The following WDR47 variants were observed in gnomAD, a reference collection of about 807,000 sequenced individuals.
WDR47 encodes WD repeat domain 47, also known as WD repeat-containing protein 47.
A neutral mutation model predicts 97.2 loss-of-function variants in WDR47; 32 were observed. That is an observed-to-expected ratio of 0.33 (90% confidence interval 0.25 to 0.44). The LOEUF (loss-of-function observed/expected upper bound fraction) is 0.44, where lower values mean the gene tolerates loss of function less well. WDR47 is among the 20% of genes least tolerant of loss of function. WDR47 has a pLI of 1.00. For synonymous variants in WDR47, 375 were observed against 373.5 expected (o/e 1.00, Z -0.05); for missense variants, 782 against 1,102.3 (o/e 0.71, Z 4.11).
intron 2 of WDR47, among the ~76,000 whole-genome samples, chr1:109,021,518 CCTCT>C (rs1661837753): frequency 8.5e-6 from 1 of 117,172 alleles, no homozygotes; most frequent in Non-Finnish European, 1.8e-5. Flanking sequence ...ACAAAGCAAG[CCTCT>C]ATCTCAAAAA....
In WDR47 at chr1:109,004,816, G is replaced by A. The variant is rs1333527293; in HGVS notation, c.1131-101C>T. ...TTTATTTTATTATTATTATTTTTGA[G>A]ATGGAGTCTCTCTCTGTAGCCCCGA... On this transcript the variant is annotated intron_variant, in intron 5 of 14. Transcript: ENST00000369962. The A allele has an allele frequency of 3.7e-6, 5 of 1,342,930 alleles. No homozygotes were observed. In the Admixed American group the frequency reaches 1.5e-4, roughly 39 times the overall value. 83.2% of individuals were successfully genotyped at this position (1,342,930 alleles called of 1,614,324 possible).
At position 109,011,489 on chromosome 1, in the gene WDR47, C is replaced by A. The variant is rs1212897005; in HGVS notation, c.557G>T (p.Gly186Val). ...IPADRKLSEA[G>V]FKASNNRLFQ... The stretch of plus-strand genomic sequence containing the variant: ...TAAACGATTGTTACTAGCCTTAAAA[C>A]CAGCTTCACTTAGCTTCCTATCAGC... Residue 186 changes from glycine (G) to valine (V), a missense_variant, in exon 5 of 15, where the codon GGT becomes GTT. This residue lies in a region of WDR47 where 428 missense variants were observed against 584.3 expected (regional missense o/e 0.73). Coordinates refer to ENST00000369962, the MANE Select transcript of WDR47 (RefSeq NM_001142551.2). 6.2e-7 allele frequency: 1 copy of A among 1,614,170 alleles called. No homozygotes were observed. Among genetic ancestry groups the A allele is most frequent in the East Asian group, 2.2e-5 (1 of 44,880 alleles).
chr1:109,009,475 T>C (rs1660873501), intron 5 of WDR47, among the ~76,000 whole-genome samples: 1 of 152,224 alleles, frequency 6.6e-6, no homozygotes, highest in South Asian at 2.1e-4. Context: ...TTTTAAGTTC[T>C]AGTTGTTCAC....
intron 1 of WDR47, among the ~76,000 whole-genome samples, chr1:109,028,795 T>C (rs1455583696): frequency 6.6e-6 from 1 of 152,102 alleles, no homozygotes; most frequent in Non-Finnish European, 1.5e-5. Flanking sequence ...TAATTTTAAT[T>C]AATTTAATAT....
intron 1 of WDR47, among the ~76,000 whole-genome samples, chr1:109,025,916 C>G (rs1338320030): frequency 6.6e-6 from 1 of 152,142 alleles, no homozygotes. Flanking sequence ...TATCTCCCAA[C>G]ACACCAGCTA....
chr1:109,002,116 C>T (rs564826182), intron 7 of WDR47, 108 bp downstream of exon 7: 18 of 1,259,960 alleles, frequency 1.4e-5, no homozygotes, highest in Non-Finnish European at 1.7e-5. Context: ...ACTTCAAATG[C>T]GTAAAAAGCC....
rs763871222 is a variant in WDR47, at chr1:109,023,506, C to T, written c.7G>A (p.Ala3Thr). MTAEETVNVKEVE... is the reference protein window; with the variant it reads MTTEETVNVKEVE... ...TCTTTTACATTCACTGTTTCTTCAG[C>T]CGTCATATTGATAGCCTAAATATGA... Residue 3 changes from alanine (A) to threonine (T), a missense_variant, in exon 2 of 15, where the codon GCT (alanine) becomes ACT (threonine). Physicochemically the swap from Ala to Thr is moderately conservative, Grantham distance 58. Coordinates refer to ENST00000369962, the MANE Select transcript of WDR47 (RefSeq NM_001142551.2). 9.9e-6 allele frequency: 16 copies of T among 1,612,218 alleles called. No homozygotes were observed. The highest frequency in any genetic ancestry group is 1.1e-5 in the Non-Finnish European group (13 of 1,178,934).
rs144574691 is a variant in WDR47 at position 109,031,066 on chromosome 1, T to C, written c.-9-7545A>G. Among the ~76,000 whole-genome samples, 370 of 140,324 alleles carry C rather than the reference T, an allele frequency of 2.6e-3. 54 individuals carry two copies. The highest frequency in any genetic ancestry group is 8.6e-3 in the African/African-American group (339 of 39,240). 92.1% of individuals were successfully genotyped at this position (140,324 alleles called of 152,430 possible). A position where few individuals can be genotyped will look rare whatever the true frequency, so the allele number is the denominator to read the frequency against. On this transcript the variant is annotated intron_variant, in intron 1 of 14. Coordinates refer to ENST00000369962, the MANE Select transcript of WDR47 (RefSeq NM_001142551.2). ...TATATAGAAAATATAAAGTCCGGGATAATCAGAAGCCTGTAATTAATAAAG... is the reference window on the plus strand; with the variant it reads ...TATATAGAAAATATAAAGTCCGGGACAATCAGAAGCCTGTAATTAATAAAG...
At chr1:108,984,199 T>C (rs999462980) in intron 10 of WDR47, among the ~76,000 whole-genome samples, 3 of 152,166 alleles carry the variant, frequency 2.0e-5, no homozygotes, top group African/African-American at 7.2e-5. Context: ...CTAAATGCCA[T>C]GCTCCTCAAG....
chr1:109,005,883 A>C (rs1472049354), intron 5 of WDR47, among the ~76,000 whole-genome samples: 2 of 152,166 alleles, frequency 1.3e-5, no homozygotes, highest in African/African-American at 4.8e-5. Flanking sequence ...AATAAAAATA[A>C]AAATAAATAA....
At chr1:109,025,416 G>A (rs1165317955) in intron 1 of WDR47, among the ~76,000 whole-genome samples, 4 of 133,888 alleles carry the variant, frequency 3.0e-5, no homozygotes, top group African/African-American at 5.7e-5. Context: ...GGGCGGTAGC[G>A]TGAGACTCTG....
At chr1:108,978,571 G>A (rs993740268) in intron 13 of WDR47, among the ~76,000 whole-genome samples, 2 of 151,990 alleles carry the variant, frequency 1.3e-5, no homozygotes, top group African/African-American at 4.8e-5. Flanking sequence ...AAGTCTTTCA[G>A]TATATGAGTT....
chr1:109,020,682 C>T (rs1024311555), intron 2 of WDR47, among the ~76,000 whole-genome samples: 4 of 152,012 alleles, frequency 2.6e-5, no homozygotes, highest in African/African-American at 9.7e-5. Context: ...CTGTTAACTT[C>T]TAGGAGTATT....
intron 1 of WDR47, among the ~76,000 whole-genome samples, chr1:109,038,115 A>T (rs1032789370): frequency 7.2e-5 from 11 of 152,132 alleles, no homozygotes; most frequent in Non-Finnish European, 1.3e-4. Flanking sequence ...CTCGCATTAC[A>T]GGTATGAGCC....
intron 5 of WDR47, among the ~76,000 whole-genome samples, chr1:109,008,273 C>CA: frequency 6.7e-6 from 1 of 148,998 alleles, no homozygotes; most frequent in Non-Finnish European, 1.5e-5. Flanking sequence ...TCCTATACTT[C>CA]TTTTTTTTTT....
intron 13 of WDR47, among the ~76,000 whole-genome samples, chr1:108,980,621 C>A (rs1389329373): frequency 6.6e-6 from 1 of 151,856 alleles, no homozygotes; most frequent in African/African-American, 2.4e-5. Context: ...TCCAGCTACT[C>A]AGGAGGCTGA....
intron 3 of WDR47, 127 bp from the exon 4 acceptor site, chr1:109,014,052 G>A (rs1221833766): frequency 1.8e-5 from 11 of 619,040 alleles, no homozygotes. Context: ...TTATCACATT[G>A]AAGCCATAAC....
chr1:108,985,173 T>C (rs746314241), intron 10 of WDR47, among the ~76,000 whole-genome samples: 1 of 152,238 alleles, frequency 6.6e-6, no homozygotes, highest in Non-Finnish European at 1.5e-5. Context: ...GGTGTCCCAC[T>C]GCACTCAGCA....
chr1:109,039,047 T>C (rs530944529), intron 1 of WDR47, among the ~76,000 whole-genome samples: 1 of 152,198 alleles, frequency 6.6e-6, no homozygotes, highest in Admixed American at 6.5e-5. Flanking sequence ...TCAATTATGT[T>C]AAACATACTA....
Sources: allele counts gnomAD v4.1 joint callset (sites outside exome capture counted in the v4.1 genomes callset), GRCh38; gene constraint gnomAD v4.1.1; regional missense constraint gnomAD v4.1.1; transcripts MANE v1.5; gene names NCBI Gene and HGNC (gene_info 2026-07-23, HGNC 2026-07-21).